The following COL27A1 variants were observed in gnomAD, a reference collection of about 807,000 sequenced individuals.
COL27A1 encodes collagen alpha-1(XXVII) chain.
COL27A1 carries 106 observed loss-of-function variants against 251.3 expected under a neutral mutation model. The ratio of observed to expected loss-of-function variants is 0.42; its 90% confidence interval spans 0.36 to 0.50. The LOEUF is 0.50. Ranked by LOEUF, COL27A1 falls within the 20% of genes least tolerant of loss-of-function variation. The probability of loss-of-function intolerance (pLI) is 0.00; values close to 1 mark genes in which losing one functional copy is unlikely to be tolerated. For missense variants in COL27A1, 2,325 were observed against 2,522.8 expected, an observed-to-expected ratio of 0.92 and a Z score of 1.68; for synonymous variants, 1,000 against 986.3, an observed-to-expected ratio of 1.01 and a Z score of -0.26.
At chr9:114,155,302 C>T (rs1171437363), upstream of COL27A1, among the ~76,000 whole-genome samples, 1 of 152,090 alleles carries the variant, frequency 6.6e-6, no homozygotes, top group Non-Finnish European at 1.5e-5. The surrounding 1 kb of genome is among the most constrained non-coding windows in gnomAD (Gnocchi z 5.5). Context: ...ATCAAATCAC[C>T]GTGAAGCCCT....
chr9:114,182,027 C>T (rs896394373), intron 4 of COL27A1, among the ~76,000 whole-genome samples: 1 of 151,984 alleles, frequency 6.6e-6, no homozygotes, highest in Admixed American at 6.6e-5. Flanking sequence ...GAGCTCTCAA[C>T]TCCAAAGACT....
chr9:114,292,526 C>T lies in COL27A1; in HGVS notation c.4584+316C>T, dbSNP rs540094164. ...TCATTCTGTGCCTCACTGCCTTCAT[C>T]CCCCTGTCCCAGAGGCTGCATTCAA... is the stretch of plus-strand genomic sequence containing the variant. On this transcript the variant is annotated intron_variant, in intron 49 of 60. Coordinates refer to ENST00000356083, the MANE Select transcript of COL27A1 (RefSeq NM_032888.4). Among the ~76,000 whole-genome samples, 13 of 152,298 alleles carry T rather than the reference C, an allele frequency of 8.5e-5. No homozygotes were observed. The South Asian group carries it at 2.1e-3, about 24-fold the overall frequency.
chr9:114,283,658 C>T, intron 39 of COL27A1, 51 bp from the exon 40 acceptor site: 1 of 1,556,388 alleles, frequency 6.4e-7, no homozygotes, highest in Non-Finnish European at 8.9e-7. Context: ...CTGCTGTGTC[C>T]CCGCTGTGAG....
At chr9:114,279,248 AG>A (rs1313489583) in intron 37 of COL27A1, among the ~76,000 whole-genome samples, 1 of 152,132 alleles carries the variant, frequency 6.6e-6, no homozygotes, top group African/African-American at 2.4e-5. Flanking sequence ...CCTGGCTGGG[AG>A]GCCCACAGAG....
chr9:114,240,090 T>G (rs1832652903), intron 19 of COL27A1, 130 bp from the exon 20 acceptor site: 1 of 823,184 alleles, frequency 1.2e-6, no homozygotes, highest in East Asian at 2.4e-5. Flanking sequence ...TCAAGGTGGT[T>G]AACTGACCTG....
intron 3 of COL27A1, among the ~76,000 whole-genome samples, chr9:114,170,247 A>C (rs73656006): frequency 6.6e-6 from 1 of 152,188 alleles, no homozygotes; most frequent in Admixed American, 6.5e-5. Flanking sequence ...CGTGGGCCAG[A>C]AGGAAGAGGA....
In COL27A1 at chr9:114,194,391, G is replaced by A. The variant is rs1406262224; in HGVS notation, c.2017-13G>A. On this transcript the variant is annotated splice_polypyrimidine_tract_variant and intron_variant, in intron 5 of 60. Coordinates refer to ENST00000356083, the MANE Select transcript of COL27A1 (RefSeq NM_032888.4). ...ATGACTTGGTGGCCAAAGTGGAATT[G>A]TTTTTGTTTCAGGGACAGAAAGGGG... 2 of 1,613,458 alleles carry A rather than the reference G, an allele frequency of 1.2e-6. No individual in the cohort carries two copies. Among genetic ancestry groups the A allele is most frequent in the Non-Finnish European group, 1.7e-6 (2 of 1,179,724 alleles).
chr9:114,164,651 G>A (rs2135041962), intron 2 of COL27A1, among the ~76,000 whole-genome samples: 1 of 152,330 alleles, frequency 6.6e-6, no homozygotes, highest in South Asian at 2.1e-4. Flanking sequence ...GGACCAAGTG[G>A]CTTCCTGCCC....
At chr9:114,207,048 GC>G (rs1830016772) in intron 10 of COL27A1, among the ~76,000 whole-genome samples, 1 of 152,198 alleles carries the variant, frequency 6.6e-6, no homozygotes, top group Non-Finnish European at 1.5e-5. Context: ...GGCCTGGATG[GC>G]CCCAGCTTAC....
chr9:114,292,738 AAGAT>A (rs1828009497), intron 49 of COL27A1, among the ~76,000 whole-genome samples: 1 of 152,250 alleles, frequency 6.6e-6, no homozygotes, highest in Non-Finnish European at 1.5e-5. Flanking sequence ...AAGTAGGTTA[AAGAT>A]AGATATAGAA....
Position 114,311,548 on chromosome 9 carries a change from G to GAAAAAAAAAAAAAAAA in COL27A1, c.*855_*870dup, listed in dbSNP as rs56094843. ...AGGAGGAAAAAAGAAAAGAAAAAAG[G>GAAAAAAAAAAAAAAAA]AAAAAAAAAAAAAAAAAGCAAAACA... On this transcript the variant is annotated 3_prime_UTR_variant, in exon 61 of 61. Transcript: ENST00000356083. The GAAAAAAAAAAAAAAAA allele has an allele frequency of 1.0e-5, 1 of 96,218 alleles. No individual in the cohort carries two copies. The highest frequency in any genetic ancestry group is 2.4e-5 in the Non-Finnish European group (1 of 41,942). 6.0% of individuals were successfully genotyped at this position (96,218 alleles called of 1,614,324 possible). A position where few individuals can be genotyped will look rare whatever the true frequency, so the allele number is the denominator to read the frequency against.
At chr9:114,305,169 C>A (rs1467619513) in intron 57 of COL27A1, among the ~76,000 whole-genome samples, 1 of 152,222 alleles carries the variant, frequency 6.6e-6, no homozygotes, top group Non-Finnish European at 1.5e-5. Flanking sequence ...CCTTTGCAGC[C>A]TTGCCTCCTT....
In COL27A1 at chr9:114,252,859, T is replaced by C. The variant is rs1244985087; in HGVS notation, c.3088-20T>C. On this transcript the variant is annotated intron_variant, in intron 26 of 60. Transcript: ENST00000356083. ...AAGCTTCCATAGCTGATTCCTCCTTTGTCTTCTCTGTCTTGGCAGGGTCAT... is the reference window on the plus strand; with the variant it reads ...AAGCTTCCATAGCTGATTCCTCCTTCGTCTTCTCTGTCTTGGCAGGGTCAT... 2 of 1,613,206 alleles carry C rather than the reference T, an allele frequency of 1.2e-6. No homozygotes were observed. The highest frequency in any genetic ancestry group is 2.7e-5 in the African/African-American group (2 of 74,918).
At chr9:114,210,231 C>T (rs1045617040) in intron 11 of COL27A1, among the ~76,000 whole-genome samples, 8 of 152,228 alleles carry the variant, frequency 5.3e-5, no homozygotes, top group African/African-American at 1.9e-4. Context: ...CATTTGGTTA[C>T]ATATTGTCAA....
At chr9:114,289,134 C>G (rs1827723736) in intron 44 of COL27A1, 108 bp from the exon 45 acceptor site, 1 of 1,399,680 alleles carries the variant, frequency 7.1e-7, no homozygotes, top group African/African-American at 1.5e-5. Context: ...CCCCCAGAAC[C>G]TGCACCCCCA....
intron 27 of COL27A1, 38 bp from the exon 28 acceptor site, chr9:114,258,503 A>G: frequency 6.3e-7 from 1 of 1,595,612 alleles, no homozygotes; most frequent in East Asian, 2.3e-5. Flanking sequence ...CTCACTTCCT[A>G]AAAAGGGGCC....
In COL27A1 at chr9:114,309,389, A is replaced by C. The variant is rs1230550814; in HGVS notation, c.5347A>C (p.Lys1783Gln). The stretch of plus-strand genomic sequence containing the variant: ...GGAGGGCACTGGGCAGACCCCAGCC[A>C]AGCAGGCCGTACGCTTCCGGGCCTG... ...WQEGTGQTPA[K>Q]QAVRFRAWNG... Residue 1783 changes from lysine to glutamine, a missense_variant, in exon 60 of 61, where the codon AAG becomes CAG. By Grantham distance (53) the Lys-to-Gln change is moderately conservative. Coordinates refer to ENST00000356083, the MANE Select transcript of COL27A1 (RefSeq NM_032888.4). The C allele has an allele frequency of 1.2e-6, 2 of 1,614,130 alleles. No individual in the cohort carries two copies. The highest frequency in any genetic ancestry group is 2.2e-5 in the East Asian group (1 of 44,878).
At chr9:114,249,378 C>T (rs1034264553) in intron 24 of COL27A1, among the ~76,000 whole-genome samples, 3 of 152,166 alleles carry the variant, frequency 2.0e-5, no homozygotes, top group Non-Finnish European at 4.4e-5. Context: ...ACCCAGGGAA[C>T]CAGGGGCAGG....
intron 41 of COL27A1, among the ~76,000 whole-genome samples, chr9:114,285,073 T>C (rs2131602148): frequency 6.6e-6 from 1 of 152,358 alleles, no homozygotes; most frequent in South Asian, 2.1e-4. Context: ...GACATCAATC[T>C]TGTAATGACT....
Sources: allele counts gnomAD v4.1 joint callset (sites outside exome capture counted in the v4.1 genomes callset), GRCh38; gene constraint gnomAD v4.1.1; non-coding constraint Gnocchi (gnomAD v3.1); transcripts MANE v1.5; gene names NCBI Gene and HGNC (gene_info 2026-07-23, HGNC 2026-07-21).